The following IGF2BP3 variants were observed in gnomAD, a reference collection of about 807,000 sequenced individuals.
IGF2BP3 encodes insulin-like growth factor 2 mRNA-binding protein 3.
In IGF2BP3, 9 loss-of-function variants were observed where a neutral mutation model predicts 73.8. The ratio of observed to expected loss-of-function variants is 0.12; its 90% CI spans 0.07 to 0.21. The LOEUF is 0.21. Ranked by LOEUF, IGF2BP3 falls within the 10% of genes least tolerant of loss-of-function variation. The probability of loss-of-function intolerance (pLI) is 1.00; values close to 1 mark genes in which losing one functional copy is unlikely to be tolerated. For missense variants in IGF2BP3, 542 were observed against 714.0 expected (o/e 0.76, Z 2.75); for synonymous variants, 258 against 256.7 (o/e 1.01, Z -0.05).
At chr7:23,433,786 A>C (rs1009084419) in intron 2 of IGF2BP3, among the ~76,000 whole-genome samples, 2 of 152,210 alleles carry the variant, frequency 1.3e-5, no homozygotes, top group African/African-American at 4.8e-5. Flanking sequence ...ATCAAGAAAA[A>C]GTTTTAGGCC....
At position 23,361,720 on chromosome 7, in the gene IGF2BP3, G is replaced by C. The variant is rs1432164396; in HGVS notation, c.307C>G (p.Gln103Glu). ...QWEVLDSLLV[Q>E]YGVVESCEQV... ...TCACAGCTCTCCACCACTCCATACT[G>C]GACTAGTAAACTATCCAGCACCTAT... Residue 103 changes from glutamine (Q) to glutamate (E), a missense_variant, in exon 4 of 15, where the codon CAG becomes GAG. This residue lies in a region of IGF2BP3 where 239 missense variants were observed against 241.9 expected (regional missense o/e 0.99). Coordinates refer to ENST00000258729, the MANE Select transcript of IGF2BP3 (RefSeq NM_006547.3). The C allele has an allele frequency of 6.2e-7, 1 of 1,613,582 alleles. No individual in the cohort carries two copies. Among genetic ancestry groups the C allele is most frequent in the Non-Finnish European group, 8.5e-7 (1 of 1,179,776 alleles).
At chr7:23,322,048 C>T (rs1011869783) in intron 10 of IGF2BP3, among the ~76,000 whole-genome samples, 4 of 152,220 alleles carry the variant, frequency 2.6e-5, no homozygotes, top group Non-Finnish European at 4.4e-5. Flanking sequence ...CAGTTCCTCA[C>T]CAGCAACAGA....
intron 3 of IGF2BP3, among the ~76,000 whole-genome samples, chr7:23,410,895 T>C (rs1228909899): frequency 5.3e-5 from 8 of 152,222 alleles, no homozygotes; most frequent in Admixed American, 5.2e-4. Context: ...GACAAGCTAC[T>C]TCACCTCTCT....
chr7:23,406,796 G>A (rs755776993), intron 3 of IGF2BP3, among the ~76,000 whole-genome samples: 7 of 152,110 alleles, frequency 4.6e-5, no homozygotes, highest in Non-Finnish European at 1.0e-4. Flanking sequence ...TAGACACAGA[G>A]CACTGATTGG....
At chr7:23,312,673 A>T in intron 14 of IGF2BP3, 62 bp downstream of exon 14, 7 of 1,152,992 alleles carry the variant, frequency 6.1e-6, no homozygotes, top group Non-Finnish European at 9.0e-6. Flanking sequence ...AGGTAGGAGC[A>T]CCTGTGGGAG....
chr7:23,327,983 G>T (rs773929121), intron 10 of IGF2BP3, among the ~76,000 whole-genome samples: 35 of 152,092 alleles, frequency 2.3e-4, no homozygotes, highest in Non-Finnish European at 5.1e-4. Context: ...CATTCCGTAG[G>T]TCACAGTTTA....
intron 3 of IGF2BP3, among the ~76,000 whole-genome samples, chr7:23,388,751 T>A (rs529951687): frequency 1.4e-4 from 22 of 152,232 alleles, no homozygotes; most frequent in Middle Eastern, 6.8e-3. Flanking sequence ...GAATCTCAAA[T>A]GTCTTTAGTT....
intron 13 of IGF2BP3, 78 bp downstream of exon 13, chr7:23,313,444 T>G (rs1361960901): frequency 2.7e-5 from 40 of 1,495,246 alleles, no homozygotes; most frequent in Non-Finnish European, 3.5e-5. Context: ...TAGCCAAAAT[T>G]CGGGGACTTG....
intron 3 of IGF2BP3, among the ~76,000 whole-genome samples, chr7:23,369,832 C>T (rs1439772927): frequency 6.6e-6 from 1 of 152,082 alleles, no homozygotes; most frequent in Non-Finnish European, 1.5e-5. Context: ...TTAGTTGATA[C>T]CACTATGGGC....
chr7:23,374,862 G>C (rs1318450829), intron 3 of IGF2BP3, among the ~76,000 whole-genome samples: 1 of 152,060 alleles, frequency 6.6e-6, no homozygotes. Context: ...GTGTCTGGGG[G>C]AGACATCACA....
At chr7:23,330,307 G>GTATAATATTTATACAATATATATTTA (rs1784411729) in intron 10 of IGF2BP3, among the ~76,000 whole-genome samples, 9 of 148,244 alleles carry the variant, frequency 6.1e-5, no homozygotes, top group Admixed American at 4.7e-4. Flanking sequence ...ATAAAATAAT[G>GTATAATATTTATACAATATATATTTA]TATAATATTT....
intron 5 of IGF2BP3, 49 bp downstream of exon 5, chr7:23,361,485 G>A (rs1785227144): frequency 6.8e-7 from 1 of 1,470,764 alleles, no homozygotes; most frequent in Non-Finnish European, 9.5e-7. Flanking sequence ...ATATGTTACT[G>A]TACTTAACTT....
intron 2 of IGF2BP3, among the ~76,000 whole-genome samples, chr7:23,467,009 T>C (rs1225651532): frequency 6.6e-6 from 1 of 152,232 alleles, no homozygotes; most frequent in Admixed American, 6.5e-5. Flanking sequence ...ATTCAGGCTA[T>C]GGCTTTAAGC....
intron 3 of IGF2BP3, among the ~76,000 whole-genome samples, chr7:23,393,250 G>C (rs1786343456): frequency 6.6e-6 from 1 of 152,128 alleles, no homozygotes; most frequent in South Asian, 2.1e-4. Flanking sequence ...AGGCAACGTG[G>C]TTAAATCAGA....
Position 23,374,705 on chromosome 7 carries a change from TAAGTAA to T in IGF2BP3, c.286-12970_286-12965del, listed in dbSNP as rs550131437. ...TAGTGACGATGATGATGATGATAAA[TAAGTAA>T]AAGTATAAAAAGAAAATGATTTGAT... On this transcript the variant is annotated intron_variant, in intron 3 of 14. Transcript: ENST00000258729. 5.9e-4 allele frequency among the ~76,000 whole-genome samples: 90 copies of T among 152,018 alleles called. 1 individual carries two copies. Among genetic ancestry groups the T allele is most frequent in the African/African-American group, 2.1e-3 (89 of 41,452 alleles).
At position 23,375,574 on chromosome 7, in the gene IGF2BP3, T is replaced by A. The variant is rs550349500; in HGVS notation, c.286-13833A>T. Among the ~76,000 whole-genome samples the A allele has an allele frequency of 3.9e-5, 6 of 152,292 alleles. No homozygotes were observed. The East Asian group carries it at 1.2e-3, about 29-fold the overall frequency. On this transcript the variant is annotated intron_variant, in intron 3 of 14. Transcript: ENST00000258729. The stretch of plus-strand genomic sequence containing the variant: ...GCAGGAATACCACTCCAAACAGCTA[T>A]AAATTACTAGAGAAAAAGGGAAAGA...
intron 10 of IGF2BP3, among the ~76,000 whole-genome samples, chr7:23,334,523 G>C (rs1218762642): frequency 1.3e-5 from 2 of 152,320 alleles, no homozygotes; most frequent in Admixed American, 6.5e-5. Flanking sequence ...AGGCCCATTA[G>C]CGTTACCCAG....
At chr7:23,422,313 A>C (rs554416047) in intron 2 of IGF2BP3, among the ~76,000 whole-genome samples, 26 of 152,206 alleles carry the variant, frequency 1.7e-4, no homozygotes, top group South Asian at 4.1e-4. Context: ...TTGTTTATTA[A>C]GAGTAATCCA....
At chr7:23,398,168 T>A (rs1786538154) in intron 3 of IGF2BP3, among the ~76,000 whole-genome samples, 1 of 151,480 alleles carries the variant, frequency 6.6e-6, no homozygotes, top group Non-Finnish European at 1.5e-5. Context: ...CAGTGGTTGG[T>A]TTTTTGTCCT....
Sources: allele counts gnomAD v4.1 joint callset (sites outside exome capture counted in the v4.1 genomes callset), GRCh38; gene constraint gnomAD v4.1.1; regional missense constraint gnomAD v4.1.1; transcripts MANE v1.5; gene names NCBI Gene and HGNC (gene_info 2026-07-23, HGNC 2026-07-21).